PLA2G4F: variants seen among roughly 807,000 people sequenced by gnomAD.
PLA2G4F encodes the protein cytosolic phospholipase A2 zeta.
Under a neutral mutation model 103.1 loss-of-function variants are expected in PLA2G4F, and 105 were observed. The ratio of observed to expected loss-of-function variants is 1.02; its 90% CI spans 0.87 to 1.20. The LOEUF (loss-of-function observed/expected upper bound fraction) is 1.20, where lower values mean the gene tolerates loss of function less well. Ranked by LOEUF, PLA2G4F falls within the 50% of genes most tolerant of loss-of-function variation. PLA2G4F has a pLI of 0.00. For synonymous variants in PLA2G4F, 468 were observed against 441.1 expected (o/e 1.06, Z -0.76); for missense variants, 1,155 against 1,075.9 (o/e 1.07, Z -1.03).
At chr15:42,153,092 T>C (rs1277309508) in intron 6 of PLA2G4F, among the ~76,000 whole-genome samples, 1 of 152,182 alleles carries the variant, frequency 6.6e-6, no homozygotes, top group East Asian at 1.9e-4. Context: ...TAACGTGCTG[T>C]GTGGGAGTAG....
chr15:42,145,916 G>A lies in PLA2G4F; in HGVS notation c.1535-13C>T, dbSNP rs1412443057. On this transcript the variant is annotated splice_polypyrimidine_tract_variant and intron_variant, in intron 14 of 19. Coordinates refer to ENST00000397272, the MANE Select transcript of PLA2G4F (RefSeq NM_213600.4). ...AACTCGCACCACTCTAGGGGCCCGA[G>A]TGAAGGGAAAGTCACCAGGGGCTTC... is the stretch of plus-strand genomic sequence containing the variant. 1.2e-6 allele frequency: 2 copies of A among 1,613,124 alleles called. No individual in the cohort carries two copies. The highest frequency in any genetic ancestry group is 1.3e-5 in the African/African-American group (1 of 75,044).
chr15:42,141,267 G>A lies in PLA2G4F; in HGVS notation c.*717C>T. 2.2e-6 allele frequency: 1 copy of A among 456,764 alleles called. No individual in the cohort carries two copies. The highest frequency in any genetic ancestry group is 4.4e-6 in the Non-Finnish European group (1 of 226,984). The allele number at this position is 456,764 out of a possible 1,614,324, so 28.3% of individuals were successfully genotyped here. ...ACTACACACATCACCAGAGACTGTG[G>A]TCCAGGTTCGAAGAGTGAAGCCTGG... is the stretch of plus-strand genomic sequence containing the variant. On this transcript the variant is annotated 3_prime_UTR_variant, in exon 20 of 20. Transcript: ENST00000397272.
intron 11 of PLA2G4F, among the ~76,000 whole-genome samples, chr15:42,148,389 G>T (rs2048916607): frequency 6.6e-6 from 1 of 152,102 alleles, no homozygotes; most frequent in African/African-American, 2.4e-5. Context: ...GCTACAGCAG[G>T]TTCCTCTCAA....
At position 42,139,196 on chromosome 15, in the gene PLA2G4F, A is replaced by C. The variant is rs1006003512; in HGVS notation, c.*2788T>G. 5 of 153,886 alleles carry C rather than the reference A, an allele frequency of 3.2e-5. No individual in the cohort carries two copies. The highest frequency in any genetic ancestry group is 4.8e-5 in the African/African-American group (2 of 41,522). 9.5% of individuals were successfully genotyped at this position (153,886 alleles called of 1,614,324 possible). On this transcript the variant is annotated 3_prime_UTR_variant, in exon 20 of 20. Coordinates refer to ENST00000397272, the MANE Select transcript of PLA2G4F (RefSeq NM_213600.4). The stretch of plus-strand genomic sequence containing the variant: ...TATTGTTCCCCTTTCAGGGAAGGTC[A>C]TGGGCGTAGATGATCAAAGGTCAGT...
chr15:42,152,780 G>A, intron 6 of PLA2G4F, 26 bp from the exon 7 acceptor site: 3 of 1,550,500 alleles, frequency 1.9e-6, no homozygotes, highest in Non-Finnish European at 2.6e-6. Flanking sequence ...GCCTGTAGGA[G>A]CCAGACAGCC....
Position 42,141,138 on chromosome 15 carries a change from C to T in PLA2G4F, c.*846G>A. On this transcript the variant is annotated 3_prime_UTR_variant, in exon 20 of 20. Transcript: ENST00000397272. ...CTCCAGGAACTTGCACACCCTCCTG[C>T]CCCACATACAGGTGCACACCTCTCC... 1 of 426,478 alleles carries T rather than the reference C, an allele frequency of 2.3e-6. No homozygotes were observed. The highest frequency in any genetic ancestry group is 4.8e-6 in the Non-Finnish European group (1 of 208,778). 26.4% of individuals were successfully genotyped at this position (426,478 alleles called of 1,614,324 possible).
At position 42,139,814 on chromosome 15, in the gene PLA2G4F, T is replaced by G. The variant is rs2048813610; in HGVS notation, c.*2170A>C. 6.6e-6 allele frequency: 1 copy of G among 152,612 alleles called. No individual in the cohort carries two copies. The highest frequency in any genetic ancestry group is 2.4e-5 in the African/African-American group (1 of 41,386). The allele number at this position is 152,612 out of a possible 1,614,324, so 9.5% of individuals were successfully genotyped here. On this transcript the variant is annotated 3_prime_UTR_variant, in exon 20 of 20. Transcript: ENST00000397272. ...GCCCAGCCTCCTGCCCCCTGCCCCC[T>G]GCCCTTGATCTTGTCCCAGTCTCCT...
In PLA2G4F at chr15:42,145,876, A is replaced by G. The variant is rs767509281; in HGVS notation, c.1562T>C (p.Val521Ala). The change falls in exon 15 of 20, where the codon GTT becomes GCT. Residue 521 changes from valine to alanine, a missense_variant. This residue lies in a region of PLA2G4F where 782 missense variants were observed against 692.9 expected (regional missense o/e 1.13). Transcript: ENST00000397272. ...AEWCEFTPYEVGFPKYGAYVP... is the reference protein window; with the variant it reads ...AEWCEFTPYEAGFPKYGAYVP... Reference sequence around the variant, plus strand: ...ATAAGCCCCGTACTTGGGGAAGCCAACCTCATAGGGCGTGAACTCGCACCA... The same window carrying G: ...ATAAGCCCCGTACTTGGGGAAGCCAGCCTCATAGGGCGTGAACTCGCACCA... 3.4e-5 allele frequency: 55 copies of G among 1,613,896 alleles called. No homozygotes were observed. In the Admixed American group the frequency reaches 8.7e-4, roughly 25 times the overall value.
intron 16 of PLA2G4F, 21 bp downstream of exon 16, chr15:42,145,554 G>A: frequency 6.2e-7 from 1 of 1,604,770 alleles, no homozygotes; most frequent in Non-Finnish European, 8.5e-7. Context: ...TGTGGGAGGG[G>A]CTCGGGGTCG....
rs745968686 is a variant in PLA2G4F at position 42,150,824 on chromosome 15, T to A, written c.602-47A>T. ...GGGTGCGCAGGTGAGGGGGTGGGTC[T>A]GTGTCTCTGCGGCTTATGCTGGCAG... is the stretch of plus-strand genomic sequence containing the variant. On this transcript the variant is annotated intron_variant, in intron 7 of 19. Coordinates refer to ENST00000397272, the MANE Select transcript of PLA2G4F (RefSeq NM_213600.4). 4.7e-5 allele frequency: 74 copies of A among 1,577,468 alleles called. No individual in the cohort carries two copies. The South Asian group carries it at 8.4e-4, about 18-fold the overall frequency.
chr15:42,151,931 T>C (rs1435747243), intron 7 of PLA2G4F, among the ~76,000 whole-genome samples: 1 of 152,234 alleles, frequency 6.6e-6, no homozygotes, highest in African/African-American at 2.4e-5. Flanking sequence ...CACATTAAAA[T>C]GCTTAGCCCA....
Position 42,141,714 on chromosome 15 carries a change from G to A in PLA2G4F, c.*270C>T, listed in dbSNP as rs1183668604. ...CCTGATTCTCTCCACACCCCGCTGT[G>A]AAATGAGTGCTGTTCTCTTCTGCCC... On this transcript the variant is annotated 3_prime_UTR_variant, in exon 20 of 20. Transcript: ENST00000397272. The A allele has an allele frequency of 5.1e-6, 3 of 587,154 alleles. No homozygotes were observed. The highest frequency in any genetic ancestry group is 3.7e-5 in the African/African-American group (2 of 54,214). 36.4% of individuals were successfully genotyped at this position (587,154 alleles called of 1,614,324 possible). A position where few individuals can be genotyped will look rare whatever the true frequency, so the allele number is the denominator to read the frequency against.
At chr15:42,148,302 A>G (rs1407687503) in intron 11 of PLA2G4F, among the ~76,000 whole-genome samples, 1 of 152,212 alleles carries the variant, frequency 6.6e-6, no homozygotes, top group Non-Finnish European at 1.5e-5. Context: ...CCTAAGCAGT[A>G]TGGCTCCAGA....
chr15:42,154,232 G>A lies in PLA2G4F; in HGVS notation c.322-12C>T, dbSNP rs1447898078. The A allele has an allele frequency of 6.2e-7, 1 of 1,614,072 alleles. No homozygotes were observed. Among genetic ancestry groups the A allele is most frequent in the Non-Finnish European group, 8.5e-7 (1 of 1,180,030 alleles). On this transcript the variant is annotated splice_polypyrimidine_tract_variant and intron_variant, in intron 3 of 19. Transcript: ENST00000397272. Reference sequence around the variant, plus strand: ...AGCTCCAGGACGTTCTGGGGACAAGGCAGGCAGGAGGTCCGAGCATGAGGT... The same window carrying A: ...AGCTCCAGGACGTTCTGGGGACAAGACAGGCAGGAGGTCCGAGCATGAGGT...
chr15:42,156,629 G>T lies in PLA2G4F; in HGVS notation c.-80C>A. 1 of 1,004,568 alleles carries T rather than the reference G, an allele frequency of 1.0e-6. No homozygotes were observed. Among genetic ancestry groups the T allele is most frequent in the Non-Finnish European group, 1.4e-6 (1 of 690,186 alleles). The allele number at this position is 1,004,568 out of a possible 1,614,324, so 62.2% of individuals were successfully genotyped here. ...CAAACTGCTGGCTCAGGTGTGACAG[G>T]CAGCACTGAGTTGGGAGGGTGGAGC... On this transcript the variant is annotated 5_prime_UTR_variant, in exon 1 of 20. Coordinates refer to ENST00000397272, the MANE Select transcript of PLA2G4F (RefSeq NM_213600.4).
At chr15:42,147,023 C>T (rs769118073) in intron 13 of PLA2G4F, 101 bp downstream of exon 13, 31 of 1,198,752 alleles carry the variant, frequency 2.6e-5, no homozygotes, top group Non-Finnish European at 3.5e-5. Context: ...TCAGGAACAG[C>T]TTTGTAAATC....
At chr15:42,146,860 T>G in intron 13 of PLA2G4F, 1 of 428,514 alleles carries the variant, frequency 2.3e-6, no homozygotes, top group South Asian at 3.3e-5. Flanking sequence ...GAGGCATGGG[T>G]GTGTTTGAAA....
intron 3 of PLA2G4F, 36 bp downstream of exon 3, chr15:42,154,286 T>A (rs763178661): frequency 6.2e-7 from 1 of 1,609,288 alleles, no homozygotes; most frequent in Non-Finnish European, 8.5e-7. Flanking sequence ...CCTGAGGAGT[T>A]CCCCTCCCGC....
intron 10 of PLA2G4F, 121 bp downstream of exon 10, chr15:42,149,983 G>A: frequency 6.5e-7 from 1 of 1,542,312 alleles, no homozygotes; most frequent in South Asian, 1.1e-5. Flanking sequence ...ACCAGGGAGG[G>A]AAAAATGTCA....
Sources: gnomAD v4.1 joint callset for allele counts (sites outside exome capture counted in the v4.1 genomes callset) on GRCh38, gnomAD v4.1.1 for gene constraint, gnomAD v4.1.1 regional missense constraint, MANE v1.5 for transcripts, NCBI Gene and HGNC (gene_info 2026-07-23, HGNC 2026-07-21) for gene names.